CSMD1: variants seen among roughly 807,000 people sequenced by gnomAD.
CSMD1 encodes the protein CUB and sushi domain-containing protein 1.
In CSMD1, 213 loss-of-function variants were observed where a neutral mutation model predicts 417.5. The observed-to-expected ratio is 0.51, with a 90% confidence interval of 0.46 to 0.57. The LOEUF (loss-of-function observed/expected upper bound fraction) is 0.57. CSMD1 is among the 20% of genes least tolerant of loss of function. The pLI is 0.00. For missense variants in CSMD1, 6,923 were observed against 4,529.7 expected, an observed-to-expected ratio of 1.53 and a Z score of -15.17; for synonymous variants, 2,862 against 1,736.8, an observed-to-expected ratio of 1.65 and a Z score of -16.11.
intron 12 of CSMD1, among the ~76,000 whole-genome samples, chr8:3,412,137 T>C (rs1228988906): frequency 1.5e-5 from 2 of 130,732 alleles, no homozygotes; most frequent in Non-Finnish European, 3.2e-5. Flanking sequence ...TATATACATA[T>C]ATACATATAT....
intron 6 of CSMD1, among the ~76,000 whole-genome samples, chr8:3,721,354 A>AGATGAAAGT (rs1476045795): frequency 6.6e-6 from 1 of 152,190 alleles, no homozygotes; most frequent in Non-Finnish European, 1.5e-5. Flanking sequence ...TAGTGACGGC[A>AGATGAAAGT]GATGAAAGTG....
intron 3 of CSMD1, among the ~76,000 whole-genome samples, chr8:4,165,435 C>T (rs542840948): frequency 6.6e-6 from 1 of 152,346 alleles, no homozygotes; most frequent in Admixed American, 6.5e-5. Context: ...GAGGTGGTGT[C>T]ATGCTATGTC....
chr8:3,633,086 T>C (rs919626165), intron 7 of CSMD1, among the ~76,000 whole-genome samples: 1 of 152,244 alleles, frequency 6.6e-6, no homozygotes, highest in Non-Finnish European at 1.5e-5. Context: ...ATTTATTAAA[T>C]AGTTGCTGAC....
chr8:4,451,015 C>A (rs112784231), intron 2 of CSMD1, among the ~76,000 whole-genome samples: 1,050 of 103,874 alleles, frequency 0.01, 9 homozygotes, highest in African/African-American at 0.047. Context: ...TGTTGACCAA[C>A]GTGGGGAAAA....
rs113895362 is a variant in CSMD1 at position 3,833,206 on chromosome 8, G to A, written c.819-79164C>T. Among the ~76,000 whole-genome samples, 728 of 152,112 alleles carry A rather than the reference G, an allele frequency of 4.8e-3. 10 individuals are homozygous for A. The highest frequency in any genetic ancestry group is 0.017 in the African/African-American group (690 of 41,536). On this transcript the variant is annotated intron_variant, in intron 5 of 69. Coordinates refer to ENST00000635120, the MANE Select transcript of CSMD1 (RefSeq NM_033225.6). ...ATTTGTCCAAAGAATTTTTAATCAA[G>A]AATTTTTTTGTCCGTACTGTAATTC...
At position 4,994,702 on chromosome 8, in the gene CSMD1, C is replaced by T. The variant is rs975313123; in HGVS notation, c.-286G>A. On this transcript the variant is annotated 5_prime_UTR_variant, in exon 1 of 70. Coordinates refer to ENST00000635120, the MANE Select transcript of CSMD1 (RefSeq NM_033225.6). ...GCGCCGGCCGAGCCGGGCAGGAAGG[C>T]ACCAAGGCGGCGAGGCTGCGGGAGG... 6 of 375,396 alleles carry T rather than the reference C, an allele frequency of 1.6e-5. No homozygotes were observed. The highest frequency in any genetic ancestry group is 1.3e-4 in the African/African-American group (6 of 46,498). 23.3% of individuals were successfully genotyped at this position (375,396 alleles called of 1,614,324 possible).
At chr8:3,467,247 C>T (rs192185334) in intron 12 of CSMD1, among the ~76,000 whole-genome samples, 1 of 152,288 alleles carries the variant, frequency 6.6e-6, no homozygotes, top group African/African-American at 2.4e-5. Flanking sequence ...TCTCCTATTC[C>T]TGGTACCATA....
intron 26 of CSMD1, among the ~76,000 whole-genome samples, chr8:3,241,689 T>C (rs1295165669): frequency 6.6e-6 from 1 of 152,148 alleles, no homozygotes; most frequent in Non-Finnish European, 1.5e-5. Flanking sequence ...AGCAAGCTCC[T>C]GGGGGAGGTG....
intron 41 of CSMD1, among the ~76,000 whole-genome samples, chr8:3,141,935 C>G (rs952693299): frequency 6.6e-6 from 1 of 151,696 alleles, no homozygotes; most frequent in South Asian, 2.1e-4. Context: ...GTAGCTGGGA[C>G]TACAGGCGCC....
chr8:4,964,393 C>G (rs112394867), intron 1 of CSMD1, among the ~76,000 whole-genome samples: 3,662 of 149,574 alleles, frequency 0.024, 145 homozygotes, highest in African/African-American at 0.083. Flanking sequence ...GTGGCATGCA[C>G]CTGTAGTCCC....
At chr8:4,652,587 G>C (rs185428574) in intron 1 of CSMD1, among the ~76,000 whole-genome samples, 2 of 152,090 alleles carry the variant, frequency 1.3e-5, no homozygotes, top group East Asian at 1.9e-4. Flanking sequence ...GGGAGGCAGA[G>C]GTTGCAGTGG....
rs1055188476 is a variant in CSMD1, at chr8:3,892,646, G to T, written c.818+105257C>A. Among the ~76,000 whole-genome samples the T allele has an allele frequency of 3.3e-5, 5 of 151,168 alleles. No individual in the cohort carries two copies. In the East Asian group the frequency reaches 5.8e-4, roughly 18 times the overall value. On this transcript the variant is annotated intron_variant, in intron 5 of 69. Transcript: ENST00000635120. Reference sequence around the variant, plus strand: ...GCACGTCAGTACTGTTGCTTGGCACGTCGTGGGATTTTTGGAGACTGGGTT... The same window carrying T: ...GCACGTCAGTACTGTTGCTTGGCACTTCGTGGGATTTTTGGAGACTGGGTT...
chr8:3,768,714 T>C (rs1798416047), intron 5 of CSMD1, among the ~76,000 whole-genome samples: 1 of 152,212 alleles, frequency 6.6e-6, no homozygotes, highest in Admixed American at 6.5e-5. Flanking sequence ...AGTTATGTAA[T>C]TTCTTTATTA....
At chr8:3,355,039 T>C (rs1808689924) in intron 21 of CSMD1, among the ~76,000 whole-genome samples, 1 of 146,646 alleles carries the variant, frequency 6.8e-6, no homozygotes, top group South Asian at 2.1e-4. Flanking sequence ...TGTTTCACTA[T>C]GCTGTCGGAA....
At chr8:3,351,672 A>C (rs981282598) in intron 21 of CSMD1, among the ~76,000 whole-genome samples, 1 of 149,272 alleles carries the variant, frequency 6.7e-6, no homozygotes, top group Non-Finnish European at 1.5e-5. Flanking sequence ...AATTATTTTA[A>C]TACATATACA....
chr8:3,502,887 T>C (rs1258739971), intron 10 of CSMD1, among the ~76,000 whole-genome samples: 1 of 152,122 alleles, frequency 6.6e-6, no homozygotes, highest in East Asian at 1.9e-4. Context: ...TCAATGTTCA[T>C]CATGCATGAA....
In CSMD1 at chr8:4,398,039, G is replaced by C. The variant is rs140208175; in HGVS notation, c.415+21914C>G. 6.7e-4 allele frequency among the ~76,000 whole-genome samples: 102 copies of C among 152,230 alleles called. 1 individual carries two copies. Among genetic ancestry groups the C allele is most frequent in the African/African-American group, 2.1e-3 (88 of 41,550 alleles). On this transcript the variant is annotated intron_variant, in intron 3 of 69. Coordinates refer to ENST00000635120, the MANE Select transcript of CSMD1 (RefSeq NM_033225.6). ...CATACTGGTATCAATTTCTAACTTG[G>C]TATCTCTCTAGAAATATCAAATAGC...
chr8:4,994,369 C>G lies in CSMD1; in HGVS notation c.48G>C (p.Leu16=). 6.2e-7 allele frequency: 1 copy of G among 1,612,068 alleles called. No homozygotes were observed. The highest frequency in any genetic ancestry group is 8.5e-7 in the Non-Finnish European group (1 of 1,179,844). The change falls in exon 1 of 70, where the codon CTG becomes CTC. Residue 16 remains leucine, a synonymous_variant. Transcript: ENST00000635120. ...TGAGGAGCCTCGCGCACAGCACCAG[C>G]AGCCCGAGAAGCAGGAGCAGCGACT... ...RFQSLLLLLG[L]LVLCARLLTA...
intron 5 of CSMD1, among the ~76,000 whole-genome samples, chr8:3,882,229 A>C (rs982476858): frequency 8.5e-5 from 13 of 152,182 alleles, no homozygotes; most frequent in Admixed American, 2.0e-4. Flanking sequence ...GTGGAAAAAA[A>C]AGTAATTGAT....
Sources: gnomAD v4.1 joint callset for allele counts (sites outside exome capture counted in the v4.1 genomes callset) on GRCh38, gnomAD v4.1.1 for gene constraint, MANE v1.5 for transcripts, NCBI Gene and HGNC (gene_info 2026-07-23, HGNC 2026-07-21) for gene names.